DPP10: variants seen among roughly 807,000 people sequenced by gnomAD.
DPP10 encodes inactive dipeptidyl peptidase 10.
DPP10 carries 33 observed loss-of-function variants against 120.9 expected under a neutral mutation model. The ratio of observed to expected loss-of-function variants is 0.27; its 90% CI spans 0.21 to 0.37. The LOEUF is 0.37. DPP10 is among the 10% of genes least tolerant of loss of function. The probability of loss-of-function intolerance (pLI) is 1.00; values close to 1 mark genes in which losing one functional copy is unlikely to be tolerated. For synonymous variants in DPP10, 337 were observed against 326.1 expected (o/e 1.03, Z -0.36); for missense variants, 816 against 942.8 (o/e 0.87, Z 1.76).
At chr2:114,820,602 C>G (rs1366924878) in intron 1 of DPP10, among the ~76,000 whole-genome samples, 1 of 152,156 alleles carries the variant, frequency 6.6e-6, no homozygotes, top group Non-Finnish European at 1.5e-5. Context: ...AATTAAAAAT[C>G]CTGTTGGAAG....
At chr2:115,155,588 G>A (rs1041397713) in intron 1 of DPP10, among the ~76,000 whole-genome samples, 3 of 152,184 alleles carry the variant, frequency 2.0e-5, no homozygotes, top group Admixed American at 6.5e-5. Flanking sequence ...CTCCTCTGAT[G>A]CTTACGGTCT....
chr2:114,995,017 G>A (rs1700991056), intron 1 of DPP10, among the ~76,000 whole-genome samples: 1 of 152,168 alleles, frequency 6.6e-6, no homozygotes, highest in African/African-American at 2.4e-5. Context: ...CGCTGAGCTT[G>A]ACCATGTGAC....
At chr2:115,333,304 A>G (rs2062875561) in intron 2 of DPP10, among the ~76,000 whole-genome samples, 1 of 151,854 alleles carries the variant, frequency 6.6e-6, no homozygotes, top group African/African-American at 2.4e-5. Context: ...CTTCATTTTG[A>G]GCCTATGTGT....
rs1415410857 is a variant in DPP10, at chr2:114,761,359, C to T, written c.60+318521C>T. On this transcript the variant is annotated intron_variant, in intron 1 of 25. Transcript: ENST00000410059. ...TTCTATAAAGTCTGAGTCTTATGAG[C>T]AAAAGCATTTATAGTCAATTTAAGA... Among the ~76,000 whole-genome samples, 3 of 152,094 alleles carry T rather than the reference C, an allele frequency of 2.0e-5. No homozygotes were observed. The East Asian group carries it at 5.8e-4, about 29-fold the overall frequency.
At chr2:115,019,891 A>T (rs1228302332) in intron 1 of DPP10, among the ~76,000 whole-genome samples, 6 of 152,348 alleles carry the variant, frequency 3.9e-5, no homozygotes, top group South Asian at 2.1e-4. Context: ...ATAATTAGCC[A>T]AAAATTTTGT....
chr2:115,469,625 A>G (rs923297464), intron 3 of DPP10, among the ~76,000 whole-genome samples: 2 of 152,202 alleles, frequency 1.3e-5, no homozygotes, highest in Non-Finnish European at 2.9e-5. Flanking sequence ...GAGGCTGAGC[A>G]TGGTGGGTCA....
chr2:114,967,757 A>C (rs2104766313), intron 1 of DPP10, among the ~76,000 whole-genome samples: 1 of 152,192 alleles, frequency 6.6e-6, no homozygotes, highest in East Asian at 1.9e-4. Context: ...GTTTCTTTGT[A>C]TCCTTATCGC....
rs188324659 is a variant in DPP10 at position 115,724,128 on chromosome 2, G to A, written c.577-3688G>A. 1.5e-3 allele frequency among the ~76,000 whole-genome samples: 227 copies of A among 152,176 alleles called. 1 individual carries two copies. Among genetic ancestry groups the A allele is most frequent in the South Asian group, 3.5e-3 (17 of 4,822 alleles). ...TTGTAGGTTTGTATCTGCCATTGTCGCAGGTTGAATCACTTATGGTAAGCT... is the reference window on the plus strand; with the variant it reads ...TTGTAGGTTTGTATCTGCCATTGTCACAGGTTGAATCACTTATGGTAAGCT... On this transcript the variant is annotated intron_variant, in intron 7 of 25. Coordinates refer to ENST00000410059, the MANE Select transcript of DPP10 (RefSeq NM_020868.6).
At chr2:115,534,339 C>A (rs1162486658) in intron 5 of DPP10, among the ~76,000 whole-genome samples, 1 of 151,628 alleles carries the variant, frequency 6.6e-6, no homozygotes. Flanking sequence ...CAATTCCCAC[C>A]TATGAGTGAG....
At chr2:115,420,295 A>G (rs1001416480) in intron 3 of DPP10, among the ~76,000 whole-genome samples, 3 of 152,182 alleles carry the variant, frequency 2.0e-5, no homozygotes, top group Non-Finnish European at 2.9e-5. Context: ...AGGCCTGATG[A>G]GAACTTTTTA....
chr2:115,545,966 C>G (rs1258049616), intron 5 of DPP10, among the ~76,000 whole-genome samples: 2 of 152,016 alleles, frequency 1.3e-5, no homozygotes, highest in Non-Finnish European at 2.9e-5. Flanking sequence ...CAGGGCTTTT[C>G]CAACGCATTC....
In DPP10 at chr2:114,805,092, A is replaced by G. The variant is rs1247750178; in HGVS notation, c.60+362254A>G. On this transcript the variant is annotated intron_variant, in intron 1 of 25. Coordinates refer to ENST00000410059, the MANE Select transcript of DPP10 (RefSeq NM_020868.6). ...TCTGATGGGTTTATCAGGGGTTTCC[A>G]CTTTGGCTTCTTCATTATTTTCTCT... Among the ~76,000 whole-genome samples, 3 of 152,094 alleles carry G rather than the reference A, an allele frequency of 2.0e-5. No homozygotes were observed. The East Asian group carries it at 5.8e-4, about 30-fold the overall frequency.
chr2:115,566,122 T>C lies in DPP10; in HGVS notation c.441+40150T>C, dbSNP rs79980413. On this transcript the variant is annotated intron_variant, in intron 5 of 25. Coordinates refer to ENST00000410059, the MANE Select transcript of DPP10 (RefSeq NM_020868.6). ...ATTTTTGACAATAATACTATCGAAGTGATATTGTGTTTTTCAATGTGCAAC... is the reference window on the plus strand; with the variant it reads ...ATTTTTGACAATAATACTATCGAAGCGATATTGTGTTTTTCAATGTGCAAC... 5.6e-4 allele frequency among the ~76,000 whole-genome samples: 85 copies of C among 152,236 alleles called. 2 individuals are homozygous for C. The East Asian group carries it at 0.015, about 27-fold the overall frequency.
intron 1 of DPP10, among the ~76,000 whole-genome samples, chr2:114,933,579 A>G (rs1208794667): frequency 6.6e-6 from 1 of 152,236 alleles, no homozygotes; most frequent in Non-Finnish European, 1.5e-5. Flanking sequence ...GATACAACCA[A>G]CTATTGCAGT....
chr2:115,595,855 T>G (rs550611830), intron 5 of DPP10, among the ~76,000 whole-genome samples: 2 of 152,276 alleles, frequency 1.3e-5, no homozygotes, highest in South Asian at 2.1e-4. Context: ...TCCATGTTTT[T>G]TATAACCTTT....
At chr2:115,688,896 G>A (rs2091155712) in intron 5 of DPP10, among the ~76,000 whole-genome samples, 2 of 152,130 alleles carry the variant, frequency 1.3e-5, no homozygotes, top group South Asian at 4.1e-4. Flanking sequence ...GGTGTGGAGA[G>A]TGTTATCTCA....
At position 114,795,573 on chromosome 2, in the gene DPP10, C is replaced by T. The variant is rs1683635604; in HGVS notation, c.60+352735C>T. Among the ~76,000 whole-genome samples, 2 of 151,866 alleles carry T rather than the reference C, an allele frequency of 1.3e-5. 1 individual carries two copies. Among genetic ancestry groups the T allele is most frequent in the African/African-American group, 4.8e-5 (2 of 41,352 alleles). ...CTTAATCTAAGTATAGTGCACCGTT[C>T]TCAATTCATAAGCACAGTTGACCCT... On this transcript the variant is annotated intron_variant, in intron 1 of 25. Transcript: ENST00000410059.
At chr2:115,840,131 A>T (rs1030785244) in intron 24 of DPP10, among the ~76,000 whole-genome samples, 1 of 151,600 alleles carries the variant, frequency 6.6e-6, no homozygotes, top group Middle Eastern at 3.2e-3. Context: ...AATTTATAAA[A>T]ATATGTGTAC....
At chr2:115,390,013 G>A (rs976122047) in intron 3 of DPP10, among the ~76,000 whole-genome samples, 1 of 152,170 alleles carries the variant, frequency 6.6e-6, no homozygotes, top group African/African-American at 2.4e-5. Context: ...GTATTTCTTT[G>A]TTAGAGATGG....
Sources: allele counts gnomAD v4.1 joint callset (sites outside exome capture counted in the v4.1 genomes callset), GRCh38; gene constraint gnomAD v4.1.1; transcripts MANE v1.5; gene names NCBI Gene and HGNC (gene_info 2026-07-23, HGNC 2026-07-21).